Variants in VPS50 observed in about 807,000 individuals in gnomAD.
VPS50 encodes the protein syndetin.
VPS50 carries 70 observed loss-of-function variants against 139.7 expected under a neutral mutation model. The observed-to-expected ratio is 0.50, with a 90% CI of 0.41 to 0.61. The LOEUF is 0.61. Among genes scored for constraint, VPS50 ranks in the 20% least tolerant of loss-of-function variants. The pLI, the probability that VPS50 is intolerant of heterozygous loss-of-function variation, is 0.00. For missense variants in VPS50, 921 were observed against 1,133.7 expected (o/e 0.81, Z 2.69); for synonymous variants, 365 against 376.7 (o/e 0.97, Z 0.36).
At chr7:93,274,413 C>G (rs981281032) in intron 11 of VPS50, among the ~76,000 whole-genome samples, 1 of 152,038 alleles carries the variant, frequency 6.6e-6, no homozygotes, top group Non-Finnish European at 1.5e-5. Flanking sequence ...TCCTAGGACA[C>G]TTAAGAATTA....
rs144026328 is a variant in VPS50, at chr7:93,334,893, G to A, written c.2058+696G>A. Among the ~76,000 whole-genome samples the A allele has an allele frequency of 4.2e-3, 642 of 152,048 alleles. 3 individuals are homozygous for A. The highest frequency in any genetic ancestry group is 0.015 in the African/African-American group (615 of 41,410). On this transcript the variant is annotated intron_variant, in intron 22 of 27. Coordinates refer to ENST00000305866, the MANE Select transcript of VPS50 (RefSeq NM_017667.4). ...AGCCGGAAATTTATGTTATTCAGAC[G>A]TTTCTCCACATCTACTTTAACCCCA...
intron 9 of VPS50, among the ~76,000 whole-genome samples, chr7:93,267,972 A>G (rs1385808360): frequency 6.6e-6 from 1 of 152,230 alleles, no homozygotes; most frequent in Non-Finnish European, 1.5e-5. Flanking sequence ...GATTTAAAGC[A>G]GGAGATTAAT....
rs143512538 is a variant in VPS50, at chr7:93,258,187, A to C, written c.451A>C (p.Thr151Pro). 2.5e-6 allele frequency: 4 copies of C among 1,573,142 alleles called. No homozygotes were observed. Among genetic ancestry groups the C allele is most frequent in the Non-Finnish European group, 3.5e-6 (4 of 1,143,328 alleles). ...RHLNIAKEGF[T>P]QASLGLLANQ... is the part of the protein sequence containing the mutation. ...CTTGAATATTGCAAAGGAAGGTTTT[A>C]CTCAAGCTAGTTTAGGCCTTCTTGC... Residue 151 changes from threonine (T) to proline (P), a missense_variant, in exon 7 of 28, where the codon ACT (threonine) becomes CCT (proline). Coordinates refer to ENST00000305866, the MANE Select transcript of VPS50 (RefSeq NM_017667.4).
chr7:93,313,598 A>G (rs1797335405), intron 20 of VPS50, among the ~76,000 whole-genome samples: 1 of 152,216 alleles, frequency 6.6e-6, no homozygotes, highest in South Asian at 2.1e-4. Flanking sequence ...TATCTGAGAA[A>G]AAGATACAGG....
At chr7:93,267,692 T>C (rs1467742751) in intron 9 of VPS50, among the ~76,000 whole-genome samples, 2 of 152,040 alleles carry the variant, frequency 1.3e-5, no homozygotes, top group East Asian at 3.9e-4. Flanking sequence ...CCAGAGAATA[T>C]GGTATTCGAA....
intron 25 of VPS50, among the ~76,000 whole-genome samples, chr7:93,351,879 C>T (rs1195678400): frequency 2.0e-5 from 3 of 152,150 alleles, no homozygotes; most frequent in East Asian, 3.8e-4. Flanking sequence ...ATTTGTTATT[C>T]CAGTTATAAG....
chr7:93,257,685 T>A, intron 6 of VPS50: 2 of 361,122 alleles, frequency 5.5e-6, no homozygotes, highest in Non-Finnish European at 4.9e-6. Context: ...ATTTTTATAT[T>A]ATTTAGACTA....
intron 19 of VPS50, among the ~76,000 whole-genome samples, chr7:93,309,884 A>G (rs2116985687): frequency 6.6e-6 from 1 of 152,130 alleles, no homozygotes; most frequent in South Asian, 2.1e-4. Context: ...TGATAAGTAT[A>G]TTCTTATCGT....
Position 93,358,583 on chromosome 7 carries a change from G to A in VPS50, c.*147G>A, listed in dbSNP as rs535498954. 3.3e-5 allele frequency: 22 copies of A among 666,094 alleles called. No homozygotes were observed. In the South Asian group the frequency reaches 3.7e-4, roughly 11 times the overall value. The allele number at this position is 666,094 out of a possible 1,614,324, so 41.3% of individuals were successfully genotyped here. On this transcript the variant is annotated 3_prime_UTR_variant, in exon 28 of 28. Transcript: ENST00000305866. ...ACTGGAAAGTGGAAAATATTGAAAT[G>A]TGTGTGGTGTTCTCATGACTTTTAT...
At position 93,360,576 on chromosome 7, in the gene VPS50, T is replaced by C. The variant is rs1798809612; in HGVS notation, c.*2140T>C. Reference sequence around the variant, plus strand: ...TGAGTTATAACCATGTAACATTTTATGAAACTAATTTTCAGATAAATACAA... The same window carrying C: ...TGAGTTATAACCATGTAACATTTTACGAAACTAATTTTCAGATAAATACAA... On this transcript the variant is annotated 3_prime_UTR_variant, in exon 28 of 28. Coordinates refer to ENST00000305866, the MANE Select transcript of VPS50 (RefSeq NM_017667.4). The C allele has an allele frequency of 6.6e-6, 1 of 152,104 alleles. No homozygotes were observed. The highest frequency in any genetic ancestry group is 6.6e-5 in the Admixed American group (1 of 15,250). The allele number at this position is 152,104 out of a possible 1,614,324, so 9.4% of individuals were successfully genotyped here. A position where few individuals can be genotyped will look rare whatever the true frequency, so the allele number is the denominator to read the frequency against.
chr7:93,327,181 G>A (rs980379776), intron 21 of VPS50, among the ~76,000 whole-genome samples: 2 of 152,158 alleles, frequency 1.3e-5, no homozygotes, highest in Non-Finnish European at 2.9e-5. Flanking sequence ...TATTAGCAAT[G>A]TCTGGTATGG....
intron 12 of VPS50, among the ~76,000 whole-genome samples, chr7:93,289,453 T>C (rs954959556): frequency 6.6e-6 from 1 of 152,104 alleles, no homozygotes; most frequent in Non-Finnish European, 1.5e-5. Flanking sequence ...GTGAATATTT[T>C]ACAGAGTTGT....
intron 26 of VPS50, among the ~76,000 whole-genome samples, chr7:93,355,331 C>T (rs974950076): frequency 2.0e-5 from 3 of 152,086 alleles, no homozygotes; most frequent in Admixed American, 6.5e-5. Context: ...CCTTAAAACA[C>T]ACTGTTTCAG....
chr7:93,315,977 GT>G (rs1465778573), intron 20 of VPS50, among the ~76,000 whole-genome samples: 3 of 152,120 alleles, frequency 2.0e-5, no homozygotes, highest in Admixed American at 2.0e-4. Context: ...TTTACAGTGT[GT>G]TGTTATAAGC....
At chr7:93,303,580 G>A (rs1181934353) in intron 17 of VPS50, 30 bp downstream of exon 17, 1 of 983,486 alleles carries the variant, frequency 1.0e-6, no homozygotes, top group African/African-American at 1.6e-5. Flanking sequence ...AAAGAAATCT[G>A]TCTTTTAGTA....
At position 93,291,780 on chromosome 7, in the gene VPS50, T is replaced by C. The variant is rs1181961118; in HGVS notation, c.1020T>C (p.Tyr340=). 7 of 1,603,558 alleles carry C rather than the reference T, an allele frequency of 4.4e-6. No homozygotes were observed. Among genetic ancestry groups the C allele is most frequent in the Non-Finnish European group, 8.5e-7 (1 of 1,172,006 alleles). Residue 340 remains tyrosine, a synonymous_variant, in exon 13 of 28, where the codon TAT becomes TAC. Transcript: ENST00000305866. The part of the protein sequence containing the change: ...KALWEVMLSY[Y]RTMEWHEKHD... ...TATGGGAAGTTATGCTCAGCTATTATAGGACTATGGAATGGCATGAAAAGC... is the reference window on the plus strand; with the variant it reads ...TATGGGAAGTTATGCTCAGCTATTACAGGACTATGGAATGGCATGAAAAGC...
intron 16 of VPS50, among the ~76,000 whole-genome samples, chr7:93,300,164 TTA>T (rs1796935996): frequency 6.6e-6 from 1 of 152,114 alleles, no homozygotes; most frequent in Non-Finnish European, 1.5e-5. Flanking sequence ...TTTGAAGAAA[TTA>T]TATGTCTTTT....
Position 93,303,461 on chromosome 7 carries a change from A to G in VPS50, c.1363A>G (p.Thr455Ala). The G allele has an allele frequency of 6.5e-7, 1 of 1,543,274 alleles. No homozygotes were observed. The highest frequency in any genetic ancestry group is 1.2e-5 in the South Asian group (1 of 84,328). ...SVNYFKNYHR[T>A]RLDELRMFLE... ...GAGTGTTCATTTTCTTTTTTTAAGA[A>G]CACGGCTCGATGAACTGAGAATGTT... is the stretch of plus-strand genomic sequence containing the variant. Residue 455 changes from threonine to alanine, a missense_variant and splice_region_variant, in exon 17 of 28, where the codon ACA becomes GCA. Physicochemically the swap from Thr to Ala is moderately conservative, Grantham distance 58 (BLOSUM62 0). Around this residue, in one of 3 missense-constraint regions of VPS50, gnomAD observed 744 missense variants for 930.6 expected, o/e 0.80. Coordinates refer to ENST00000305866, the MANE Select transcript of VPS50 (RefSeq NM_017667.4).
intron 13 of VPS50, among the ~76,000 whole-genome samples, chr7:93,293,323 T>C (rs564892841): frequency 6.6e-6 from 1 of 152,314 alleles, no homozygotes; most frequent in African/African-American, 2.4e-5. Flanking sequence ...ATATTTTAGA[T>C]ATCAGAATTT....
Sources: allele counts gnomAD v4.1 joint callset (sites outside exome capture counted in the v4.1 genomes callset), GRCh38; gene constraint gnomAD v4.1.1; regional missense constraint gnomAD v4.1.1; transcripts MANE v1.5; gene names NCBI Gene and HGNC (gene_info 2026-07-23, HGNC 2026-07-21).